Variants in UNC5D observed in about 807,000 individuals in gnomAD.
The protein encoded by UNC5D is netrin receptor UNC5D.
UNC5D carries 39 observed loss-of-function variants against 105.4 expected under a neutral mutation model. That is an observed-to-expected ratio of 0.37 (90% CI 0.29 to 0.48). The LOEUF is 0.48. Among genes scored for constraint, UNC5D ranks in the 20% least tolerant of loss-of-function variants. UNC5D has a pLI of 0.98. For synonymous variants in UNC5D, 452 were observed against 450.4 expected (o/e 1.00, Z -0.04); for missense variants, 991 against 1,202.4 (o/e 0.82, Z 2.60).
chr8:35,510,401 T>G, intron 1 of UNC5D, among the ~76,000 whole-genome samples: 1 of 152,084 alleles, frequency 6.6e-6, no homozygotes, highest in East Asian at 1.9e-4. Flanking sequence ...AAATATGTAT[T>G]TCACAGTATC....
At chr8:35,369,639 C>T (rs990448062) in intron 1 of UNC5D, among the ~76,000 whole-genome samples, 1 of 152,116 alleles carries the variant, frequency 6.6e-6, no homozygotes, top group African/African-American at 2.4e-5. Flanking sequence ...CTGTGGAGCT[C>T]TTTTTTCTCT....
intron 1 of UNC5D, among the ~76,000 whole-genome samples, chr8:35,405,589 C>T (rs551868187): frequency 1.8e-4 from 28 of 152,248 alleles, no homozygotes; most frequent in African/African-American, 6.7e-4. Context: ...AAAATTCTCT[C>T]CACCTTTTTG....
chr8:35,653,059 A>G (rs1255469253), intron 4 of UNC5D, among the ~76,000 whole-genome samples: 4 of 150,154 alleles, frequency 2.7e-5, no homozygotes, highest in African/African-American at 9.8e-5. Context: ...CCTCCTGCGT[A>G]GCTGGGAATA....
chr8:35,672,954 T>C lies in UNC5D; in HGVS notation c.571-10593T>C, dbSNP rs573125861. ...TCAGAACGTAAAATTCTGTGATCAG[T>C]ATTCAGGCTTCTGCAGAGGGACGGA... On this transcript the variant is annotated intron_variant, in intron 4 of 16. Coordinates refer to ENST00000404895, the MANE Select transcript of UNC5D (RefSeq NM_080872.4). Among the ~76,000 whole-genome samples, 174 of 152,262 alleles carry C rather than the reference T, an allele frequency of 1.1e-3. 1 individual carries two copies. Among genetic ancestry groups the C allele is most frequent in the Non-Finnish European group, 2.1e-3 (141 of 68,020 alleles).
chr8:35,558,184 T>G (rs6997313), intron 2 of UNC5D, among the ~76,000 whole-genome samples: 33,946 of 149,478 alleles, frequency 0.23, 5,932 homozygotes, highest in African/African-American at 0.48. Flanking sequence ...TGAGGGTAGG[T>G]ATCTTGATGT....
In UNC5D at chr8:35,683,596, A is replaced by G; in HGVS notation, c.620A>G (p.Asn207Ser). The G allele has an allele frequency of 6.3e-7, 1 of 1,579,464 alleles. No individual in the cohort carries two copies. The highest frequency in any genetic ancestry group is 2.0e-5 in the Admixed American group (1 of 51,276). Residue 207 changes from asparagine (N) to serine (S), a missense_variant, in exon 5 of 17, where the codon AAC (asparagine) becomes AGC (serine). Transcript: ENST00000404895. ...EEPIDSEQDE[N>S]IDTRADHNLI... ...CCCATTGACTCTGAACAAGACGAGA[A>G]CATTGACACCAGGGCTGACCATAAC...
At chr8:35,680,249 C>T (rs1006708553) in intron 4 of UNC5D, among the ~76,000 whole-genome samples, 14 of 152,142 alleles carry the variant, frequency 9.2e-5, no homozygotes, top group Non-Finnish European at 2.9e-5. Context: ...CAATAAAAAA[C>T]AAACAAATCA....
intron 1 of UNC5D, among the ~76,000 whole-genome samples, chr8:35,416,405 T>TA (rs1805538554): frequency 6.6e-6 from 1 of 152,132 alleles, no homozygotes; most frequent in Non-Finnish European, 1.5e-5. Context: ...TCTTTATACT[T>TA]AAAAAATGAC....
At chr8:35,704,336 G>A (rs1586483243) in intron 7 of UNC5D, among the ~76,000 whole-genome samples, 2 of 152,194 alleles carry the variant, frequency 1.3e-5, no homozygotes, top group East Asian at 3.9e-4. Context: ...TAGAAACCAT[G>A]TTAAATGCAG....
In UNC5D at chr8:35,674,447, C is replaced by T. The variant is rs141262272; in HGVS notation, c.571-9100C>T. ...TATATGGTTTAGGCAAGGTACTTAA[C>T]ATCTGTGTTTCTTTGTCTATAAAAT... On this transcript the variant is annotated intron_variant, in intron 4 of 16. Transcript: ENST00000404895. Among the ~76,000 whole-genome samples, 266 of 152,142 alleles carry T rather than the reference C, an allele frequency of 1.7e-3. 2 individuals are homozygous for T. The highest frequency in any genetic ancestry group is 2.5e-3 in the Non-Finnish European group (171 of 67,992).
chr8:35,491,865 A>G (rs1460281355), intron 1 of UNC5D, among the ~76,000 whole-genome samples: 1 of 152,190 alleles, frequency 6.6e-6, no homozygotes, highest in Non-Finnish European at 1.5e-5. Context: ...TATATTAAAT[A>G]TTATGCAATT....
intron 7 of UNC5D, among the ~76,000 whole-genome samples, chr8:35,691,607 CT>C (rs1380620937): frequency 6.6e-6 from 1 of 152,158 alleles, no homozygotes; most frequent in East Asian, 1.9e-4. Flanking sequence ...TGCCTTTATA[CT>C]AGAGTATTGC....
chr8:35,318,976 G>A (rs1040320525), intron 1 of UNC5D, among the ~76,000 whole-genome samples: 7 of 152,034 alleles, frequency 4.6e-5, no homozygotes, highest in African/African-American at 1.7e-4. Context: ...TAAAATCTTA[G>A]AGAAGGACCT....
chr8:35,402,563 T>A (rs773367173), intron 1 of UNC5D, among the ~76,000 whole-genome samples: 2 of 152,048 alleles, frequency 1.3e-5, no homozygotes, highest in Admixed American at 6.6e-5. Flanking sequence ...ATCACCTACA[T>A]GAGAATTTGA....
chr8:35,374,248 A>C (rs1395093355), intron 1 of UNC5D, among the ~76,000 whole-genome samples: 1 of 152,194 alleles, frequency 6.6e-6, no homozygotes, highest in African/African-American at 2.4e-5. Flanking sequence ...TGTTTTAAAT[A>C]GAGTTTGTCT....
At chr8:35,255,863 C>G (rs1049986601) in intron 1 of UNC5D, 2 of 152,172 alleles carry the variant, frequency 1.3e-5, no homozygotes, top group African/African-American at 4.8e-5. Context: ...TTTGCCTAGT[C>G]TCCTTCCCAC....
At chr8:35,783,860 A>C (rs1802618525) in intron 16 of UNC5D, among the ~76,000 whole-genome samples, 1 of 151,902 alleles carries the variant, frequency 6.6e-6, no homozygotes, top group Non-Finnish European at 1.5e-5. Flanking sequence ...TCTCTACCCC[A>C]CCTTTATACC....
chr8:35,499,533 A>T (rs1388174913), intron 1 of UNC5D, among the ~76,000 whole-genome samples: 1 of 152,206 alleles, frequency 6.6e-6, no homozygotes, highest in Non-Finnish European at 1.5e-5. Flanking sequence ...ACTTTTAAAC[A>T]AATGTGGCAA....
intron 1 of UNC5D, among the ~76,000 whole-genome samples, chr8:35,463,035 A>C (rs992796494): frequency 1.3e-5 from 2 of 152,186 alleles, no homozygotes; most frequent in Non-Finnish European, 2.9e-5. Flanking sequence ...TTTGGATTGG[A>C]TAGAGGCTGA....
Sources: gnomAD v4.1 joint callset for allele counts (sites outside exome capture counted in the v4.1 genomes callset) on GRCh38, gnomAD v4.1.1 for gene constraint, MANE v1.5 for transcripts, NCBI Gene and HGNC (gene_info 2026-07-23, HGNC 2026-07-21) for gene names.